SDCCAG8: variants seen among roughly 807,000 people sequenced by gnomAD.
SDCCAG8 encodes the protein serologically defined colon cancer antigen 8.
Under a neutral mutation model 101.8 loss-of-function variants are expected in SDCCAG8, and 74 were observed. That is an observed-to-expected ratio of 0.73 (90% CI 0.60 to 0.88). SDCCAG8 has a LOEUF of 0.88. Among genes scored for constraint, SDCCAG8 ranks in the 40% least tolerant of loss-of-function variants. The pLI is 0.00. For missense variants in SDCCAG8, 787 were observed against 822.6 expected (o/e 0.96, Z 0.53); for synonymous variants, 281 against 292.9 (o/e 0.96, Z 0.41).
At chr1:243,268,129 A>G (rs1003671227) in intron 1 of SDCCAG8, 1 of 661,814 alleles carries the variant, frequency 1.5e-6, no homozygotes, top group Non-Finnish European at 2.7e-6. Flanking sequence ...TGGTCACACC[A>G]CACTCCTGTT....
At chr1:243,301,134 C>CA (rs370132957) in intron 6 of SDCCAG8, among the ~76,000 whole-genome samples, 2 of 151,906 alleles carry the variant, frequency 1.3e-5, no homozygotes, top group Admixed American at 6.5e-5. Flanking sequence ...AGGAGGAATG[C>CA]AAAAAAACAT....
chr1:243,483,192 C>T (rs927820892), intron 16 of SDCCAG8, among the ~76,000 whole-genome samples: 1 of 152,078 alleles, frequency 6.6e-6, no homozygotes, highest in Non-Finnish European at 1.5e-5. Context: ...GCGGCGGCTG[C>T]GGAGCCCGGG....
intron 12 of SDCCAG8, among the ~76,000 whole-genome samples, chr1:243,369,320 G>A (rs1446125100): frequency 6.6e-6 from 1 of 152,118 alleles, no homozygotes; most frequent in Non-Finnish European, 1.5e-5. Context: ...ACCACATAGT[G>A]TTGTCAGATG....
At chr1:243,290,880 T>A (rs74428404) in intron 5 of SDCCAG8, among the ~76,000 whole-genome samples, 1 of 152,168 alleles carries the variant, frequency 6.6e-6, no homozygotes, top group Non-Finnish European at 1.5e-5. Flanking sequence ...CATTATTAAA[T>A]TGAAATTACC....
chr1:243,459,144 T>C (rs1243543229), intron 16 of SDCCAG8, among the ~76,000 whole-genome samples: 2 of 152,222 alleles, frequency 1.3e-5, no homozygotes, highest in Non-Finnish European at 2.9e-5. Context: ...AGTCCCTAGT[T>C]ATTGACAATT....
chr1:243,278,202 A>G (rs1023885836), intron 4 of SDCCAG8, among the ~76,000 whole-genome samples: 1 of 151,992 alleles, frequency 6.6e-6, no homozygotes, highest in African/African-American at 2.4e-5. Context: ...ATCTTCTACA[A>G]ATTTTGTGAG....
intron 15 of SDCCAG8, among the ~76,000 whole-genome samples, chr1:243,422,163 C>T (rs544008065): frequency 1.7e-4 from 26 of 152,276 alleles, no homozygotes; most frequent in African/African-American, 6.0e-4. Flanking sequence ...GTCATTGTCA[C>T]TTTCTGGGTT....
chr1:243,491,446 A>G (rs1666392740), intron 17 of SDCCAG8, among the ~76,000 whole-genome samples: 1 of 152,224 alleles, frequency 6.6e-6, no homozygotes, highest in Admixed American at 6.5e-5. Flanking sequence ...TTATTTTAAT[A>G]TGAACATGAC....
intron 15 of SDCCAG8, among the ~76,000 whole-genome samples, chr1:243,421,377 A>G (rs1204340902): frequency 6.6e-6 from 1 of 152,088 alleles, no homozygotes; most frequent in Admixed American, 6.6e-5. Context: ...GTACGCCCTT[A>G]CTCTCTGCCC....
intron 15 of SDCCAG8, among the ~76,000 whole-genome samples, chr1:243,421,826 T>C (rs1035100652): frequency 6.6e-6 from 1 of 152,204 alleles, no homozygotes; most frequent in Non-Finnish European, 1.5e-5. Context: ...ATTATAGTTA[T>C]GGGGTTGTTT....
intron 16 of SDCCAG8, among the ~76,000 whole-genome samples, chr1:243,445,321 C>T (rs555267217): frequency 2.6e-5 from 4 of 152,218 alleles, no homozygotes; most frequent in South Asian, 2.1e-4. Flanking sequence ...GATAAGAAAA[C>T]GGAAGCCCAA....
intron 15 of SDCCAG8, among the ~76,000 whole-genome samples, chr1:243,423,283 T>C (rs72759872): frequency 0.04 from 6,051 of 152,202 alleles, 185 homozygotes; most frequent in South Asian, 0.12. Flanking sequence ...CAAAGAAGAA[T>C]TAAGGAAAAT....
intron 13 of SDCCAG8, among the ~76,000 whole-genome samples, chr1:243,393,393 G>A (rs747076751): frequency 7.2e-5 from 11 of 152,088 alleles, no homozygotes; most frequent in Non-Finnish European, 1.6e-4. Context: ...CCACAGAGAG[G>A]GAGTCTGCGG....
intron 5 of SDCCAG8, among the ~76,000 whole-genome samples, chr1:243,291,980 C>T (rs1449352135): frequency 1.3e-5 from 2 of 152,166 alleles, no homozygotes; most frequent in Admixed American, 1.3e-4. Context: ...AAACACTTTG[C>T]TTGCTATTAC....
chr1:243,390,011 TAAAAC>T (rs1481920929), intron 13 of SDCCAG8, among the ~76,000 whole-genome samples: 2 of 152,272 alleles, frequency 1.3e-5, no homozygotes, highest in African/African-American at 4.8e-5. Flanking sequence ...TTGGGAAAAT[TAAAAC>T]AAAAAGTTGG....
At chr1:243,444,392 G>A (rs61833162) in intron 16 of SDCCAG8, among the ~76,000 whole-genome samples, 1 of 151,290 alleles carries the variant, frequency 6.6e-6, no homozygotes, top group Non-Finnish European at 1.5e-5. Flanking sequence ...TTTTTTTTGG[G>A]ATGGAGTCTC....
At chr1:243,366,957 TATTGA>T (rs2077023865) in intron 12 of SDCCAG8, among the ~76,000 whole-genome samples, 1 of 152,080 alleles carries the variant, frequency 6.6e-6, no homozygotes, top group African/African-American at 2.4e-5. Flanking sequence ...ATATTTATTG[TATTGA>T]ATTGAGAGCT....
At chr1:243,451,849 AG>A (rs2083379744) in intron 16 of SDCCAG8, among the ~76,000 whole-genome samples, 1 of 152,224 alleles carries the variant, frequency 6.6e-6, no homozygotes, top group Admixed American at 6.5e-5. Context: ...GGATCGTTTG[AG>A]CCCAGGAGGC....
chr1:243,387,694 A>G (rs1157039859), intron 13 of SDCCAG8, among the ~76,000 whole-genome samples: 1 of 152,198 alleles, frequency 6.6e-6, no homozygotes, highest in Admixed American at 6.5e-5. Flanking sequence ...CAGTTTCCAC[A>G]TAGTAACTAG....
Sources: allele counts gnomAD v4.1 joint callset (sites outside exome capture counted in the v4.1 genomes callset), GRCh38; gene constraint gnomAD v4.1.1; transcripts MANE v1.5; gene names NCBI Gene and HGNC (gene_info 2026-07-23, HGNC 2026-07-21).